The following PTPN13 variants were observed in gnomAD, a reference collection of about 807,000 sequenced individuals.
PTPN13 encodes the protein tyrosine-protein phosphatase non-receptor type 13.
A neutral mutation model predicts 284.0 loss-of-function variants in PTPN13; 191 were observed. The observed-to-expected ratio is 0.67, with a 90% CI of 0.60 to 0.76. PTPN13 has a LOEUF of 0.76. Ranked by LOEUF, PTPN13 falls within the 30% of genes least tolerant of loss-of-function variation. The probability of loss-of-function intolerance (pLI) is 0.00; values close to 1 mark genes in which losing one functional copy is unlikely to be tolerated. For missense variants in PTPN13, 2,797 were observed against 2,939.9 expected, an observed-to-expected ratio of 0.95 and a Z score of 1.12; for synonymous variants, 986 against 1,022.3, an observed-to-expected ratio of 0.96 and a Z score of 0.68.
Position 86,620,957 on chromosome 4 carries a change from C to T in PTPN13, c.-5-14295C>T, listed in dbSNP as rs117128560. Among the ~76,000 whole-genome samples, 3 of 152,238 alleles carry T rather than the reference C, an allele frequency of 2.0e-5. No homozygotes were observed. In the East Asian group the frequency reaches 5.8e-4, roughly 29 times the overall value. ...ATCTTTTTGTTTAGGTATCTGTTGTCGCAAGAAGACTCACTCTGCTATTTT... is the reference window on the plus strand; with the variant it reads ...ATCTTTTTGTTTAGGTATCTGTTGTTGCAAGAAGACTCACTCTGCTATTTT... On this transcript the variant is annotated intron_variant, in intron 1 of 47. Transcript: ENST00000411767.
chr4:86,699,995 C>T (rs1186920829), intron 6 of PTPN13, among the ~76,000 whole-genome samples: 1 of 151,852 alleles, frequency 6.6e-6, no homozygotes, highest in Non-Finnish European at 1.5e-5. Context: ...TCTGATGTGC[C>T]CAAAATATAG....
chr4:86,814,729 G>A lies in PTPN13; in HGVS notation c.*178G>A. On this transcript the variant is annotated 3_prime_UTR_variant, in exon 48 of 48. Coordinates refer to ENST00000411767, the MANE Select transcript of PTPN13 (RefSeq NM_080683.3). The stretch of plus-strand genomic sequence containing the variant: ...AATATTGAAATGCTGTATTTTTACA[G>A]CTACTTTAACCTATGATAATTATTT... 5.5e-6 allele frequency: 3 copies of A among 543,642 alleles called. No homozygotes were observed. 33.7% of individuals were successfully genotyped at this position (543,642 alleles called of 1,614,324 possible). A position where few individuals can be genotyped will look rare whatever the true frequency, so the allele number is the denominator to read the frequency against.
chr4:86,716,771 TA>T (rs1733070237), intron 8 of PTPN13, 146 bp downstream of exon 8: 17 of 691,246 alleles, frequency 2.5e-5, no homozygotes, highest in Non-Finnish European at 4.0e-5. Flanking sequence ...GGTTACTCAG[TA>T]GTAGTATTAT....
At chr4:86,648,920 A>G (rs1724760800) in intron 2 of PTPN13, among the ~76,000 whole-genome samples, 2 of 152,066 alleles carry the variant, frequency 1.3e-5, no homozygotes, top group Non-Finnish European at 2.9e-5. Flanking sequence ...TATACAAGTC[A>G]TTTTAACTAG....
intron 40 of PTPN13, among the ~76,000 whole-genome samples, chr4:86,787,621 A>T (rs905813815): frequency 1.3e-5 from 2 of 152,086 alleles, no homozygotes; most frequent in African/African-American, 4.8e-5. Flanking sequence ...CTTTTTAAAA[A>T]CATATTTATC....
intron 2 of PTPN13, among the ~76,000 whole-genome samples, chr4:86,647,278 T>C (rs980846550): frequency 2.0e-5 from 3 of 152,162 alleles, no homozygotes; most frequent in Non-Finnish European, 4.4e-5. Flanking sequence ...ATCAAACATT[T>C]TTTCAAAAAC....
chr4:86,732,009 G>A (rs1413216491), intron 10 of PTPN13, among the ~76,000 whole-genome samples: 1 of 152,128 alleles, frequency 6.6e-6, no homozygotes, highest in Non-Finnish European at 1.5e-5. Flanking sequence ...TCATGCATTA[G>A]CAATATTAAA....
chr4:86,782,194 C>T lies in PTPN13; in HGVS notation c.5963-7C>T. 6.3e-7 allele frequency: 1 copy of T among 1,591,152 alleles called. No individual in the cohort carries two copies. Among genetic ancestry groups the T allele is most frequent in the East Asian group, 2.2e-5 (1 of 44,714 alleles). Reference sequence around the variant, plus strand: ...TCATCCCCTTACTTCCTATATTGTCCTTTCAGGTTCCTACAGTGTGGGGTC... The same window carrying T: ...TCATCCCCTTACTTCCTATATTGTCTTTTCAGGTTCCTACAGTGTGGGGTC... On this transcript the variant is annotated splice_polypyrimidine_tract_variant and splice_region_variant and intron_variant, in intron 36 of 47. Transcript: ENST00000411767.
chr4:86,782,222 G>A lies in PTPN13; in HGVS notation c.5984G>A (p.Cys1995Tyr). Residue 1995 changes from cysteine to tyrosine, a missense_variant, in exon 37 of 48, where the codon TGC becomes TAC. Coordinates refer to ENST00000411767, the MANE Select transcript of PTPN13 (RefSeq NM_080683.3). The part of the protein sequence containing the change: ...KGNGSYSVGS[C>Y]SQPALTPNDS... The stretch of plus-strand genomic sequence containing the variant: ...TCAGGTTCCTACAGTGTGGGGTCTT[G>A]CAGCCAGCCTGCCCTCACTCCTAAT... 6.2e-7 allele frequency: 1 copy of A among 1,610,220 alleles called. No individual in the cohort carries two copies. The highest frequency in any genetic ancestry group is 1.1e-5 in the South Asian group (1 of 91,002).
chr4:86,701,173 T>C (rs1330193984), intron 6 of PTPN13, 68 bp from the exon 7 acceptor site: 8 of 1,212,818 alleles, frequency 6.6e-6, no homozygotes, highest in South Asian at 1.7e-5. Flanking sequence ...TCATTGTCAA[T>C]AGTGGATTAC....
intron 2 of PTPN13, among the ~76,000 whole-genome samples, chr4:86,647,431 T>C (rs1438026904): frequency 2.6e-5 from 4 of 151,784 alleles, no homozygotes; most frequent in Non-Finnish European, 5.9e-5. Context: ...AGGAGTAGAC[T>C]ACTCACCTTT....
chr4:86,770,564 A>T (rs2149271902), intron 30 of PTPN13, among the ~76,000 whole-genome samples: 1 of 152,322 alleles, frequency 6.6e-6, no homozygotes, highest in South Asian at 2.1e-4. Context: ...ATGCATTATA[A>T]ATAGCATTTT....
At chr4:86,726,591 A>G (rs899278871) in intron 10 of PTPN13, among the ~76,000 whole-genome samples, 9 of 148,932 alleles carry the variant, frequency 6.0e-5, no homozygotes, top group African/African-American at 2.2e-4. Flanking sequence ...GTGAATGGGA[A>G]TTCACTCATG....
rs570306172 is a variant in PTPN13 at position 86,712,868 on chromosome 4, A to C, written c.1196-3662A>C. Among the ~76,000 whole-genome samples the C allele has an allele frequency of 5.3e-5, 8 of 152,266 alleles. No individual in the cohort carries two copies. The South Asian group carries it at 1.0e-3, about 20-fold the overall frequency. On this transcript the variant is annotated intron_variant, in intron 7 of 47. Coordinates refer to ENST00000411767, the MANE Select transcript of PTPN13 (RefSeq NM_080683.3). ...AAAAAAGTTTATTAGTAGTGTCAGA[A>C]TGAACTGAAGAAAAAAGAAAATAAA...
intron 1 of PTPN13, among the ~76,000 whole-genome samples, chr4:86,596,337 C>A (rs1390538879): frequency 6.6e-6 from 1 of 152,140 alleles, no homozygotes; most frequent in Non-Finnish European, 1.5e-5. Flanking sequence ...GCATGTAAAG[C>A]CTAGTTATAT....
chr4:86,809,849 G>T lies in PTPN13; in HGVS notation c.7164G>T (p.Leu2388=), dbSNP rs368958959. The change falls in exon 46 of 48, where the codon CTG becomes CTT. Residue 2388 remains leucine, a synonymous_variant. Coordinates refer to ENST00000411767, the MANE Select transcript of PTPN13 (RefSeq NM_080683.3). ...ATACACCTTCTCAACCAGATGATCT[G>T]CTTACTTTTATCTCCTACATGAGAC... ...DHDTPSQPDD[L]LTFISYMRHI... is the part of the protein sequence containing the mutation. 1.7e-5 allele frequency: 27 copies of T among 1,613,846 alleles called. No individual in the cohort carries two copies. Among genetic ancestry groups the T allele is most frequent in the Non-Finnish European group, 2.1e-5 (25 of 1,179,900 alleles).
intron 37 of PTPN13, 75 bp downstream of exon 37, chr4:86,782,337 C>A: frequency 7.8e-7 from 1 of 1,280,430 alleles, no homozygotes; most frequent in Non-Finnish European, 1.1e-6. Flanking sequence ...TTGAACCAAA[C>A]TGATTTCATA....
chr4:86,755,871 TTA>T (rs1181106359), intron 20 of PTPN13, among the ~76,000 whole-genome samples: 1 of 151,958 alleles, frequency 6.6e-6, no homozygotes, highest in African/African-American at 2.4e-5. Flanking sequence ...GTTGGGATGT[TTA>T]AAACTCACCA....
At chr4:86,701,988 T>C (rs529389406) in intron 7 of PTPN13, among the ~76,000 whole-genome samples, 187 bp downstream of exon 7, 7 of 152,324 alleles carry the variant, frequency 4.6e-5, no homozygotes, top group Non-Finnish European at 7.3e-5. Context: ...TGAAATACTC[T>C]GCTTCCACAA....
Sources: gnomAD v4.1 joint callset for allele counts (sites outside exome capture counted in the v4.1 genomes callset) on GRCh38, gnomAD v4.1.1 for gene constraint, MANE v1.5 for transcripts, NCBI Gene and HGNC (gene_info 2026-07-23, HGNC 2026-07-21) for gene names.